Variants in KATNBL1 observed in about 807,000 individuals in gnomAD.
KATNBL1 encodes KATNB1-like protein 1.
In KATNBL1, 28 loss-of-function variants were observed where a neutral mutation model predicts 44.7. The observed-to-expected ratio is 0.63, with a 90% CI of 0.46 to 0.86. The LOEUF (loss-of-function observed/expected upper bound fraction) is 0.86. Among genes scored for constraint, KATNBL1 ranks in the 40% least tolerant of loss-of-function variants. The probability of loss-of-function intolerance (pLI) is 0.00; values close to 1 mark genes in which losing one functional copy is unlikely to be tolerated. For missense variants in KATNBL1, 272 were observed against 350.7 expected (o/e 0.78, Z 1.79); for synonymous variants, 78 against 114.9 (o/e 0.68, Z 2.06).
chr15:34,195,137 C>T (rs946997945), intron 1 of KATNBL1, among the ~76,000 whole-genome samples: 10 of 150,080 alleles, frequency 6.7e-5, no homozygotes, highest in African/African-American at 2.5e-4. Context: ...CCAAAAGACA[C>T]CTGCACTCAT....
At chr15:34,178,336 TGGGTAA>T (rs1889398758) in intron 1 of KATNBL1, among the ~76,000 whole-genome samples, 1 of 152,172 alleles carries the variant, frequency 6.6e-6, no homozygotes, top group African/African-American at 2.4e-5. Context: ...TCATCTAACA[TGGGTAA>T]CCTTTTCCTC....
At position 34,183,822 on chromosome 15, in the gene KATNBL1, T is replaced by A. The variant is rs183588755; in HGVS notation, c.-14-20132A>T. ...CCATTTATGAGAAGAGGGCAAAAAC[T>A]TAAGAAACTACCACATTAAATCTTT... On this transcript the variant is annotated intron_variant, in intron 1 of 9. Transcript: ENST00000256544. Among the ~76,000 whole-genome samples the A allele has an allele frequency of 1.4e-4, 21 of 152,296 alleles. No individual in the cohort carries two copies. In the East Asian group the frequency reaches 3.5e-3, roughly 25 times the overall value.
chr15:34,161,320 T>C (rs73376192), intron 2 of KATNBL1, among the ~76,000 whole-genome samples: 24,625 of 152,156 alleles, frequency 0.16, 2,158 homozygotes, highest in Middle Eastern at 0.31. Context: ...TTCATCACAC[T>C]GGGTGGGCCT....
intron 1 of KATNBL1, among the ~76,000 whole-genome samples, chr15:34,191,477 G>C (rs1467938866): frequency 6.6e-6 from 1 of 151,924 alleles, no homozygotes; most frequent in Admixed American, 6.6e-5. Context: ...TTTATGGTAG[G>C]TGTATGTTAA....
chr15:34,162,552 A>G (rs576918076), intron 2 of KATNBL1, among the ~76,000 whole-genome samples: 1 of 152,326 alleles, frequency 6.6e-6, no homozygotes, highest in Non-Finnish European at 1.5e-5. Context: ...CTAGTTGCAA[A>G]TTATATTGTA....
intron 9 of KATNBL1, among the ~76,000 whole-genome samples, chr15:34,144,797 C>A (rs532881389): frequency 5.3e-5 from 8 of 152,286 alleles, no homozygotes; most frequent in African/African-American, 1.9e-4. Flanking sequence ...GAACTCCTGA[C>A]CTCAGGTGAT....
rs148768731 is a variant in KATNBL1 at position 34,144,419 on chromosome 15, A to AAT, written c.882+977_882+978dup. Reference sequence around the variant, plus strand: ...CATGACATAAATCCTCTTATTTAGAAATATATATATATATATATTTTTAAA... The same window carrying AAT: ...CATGACATAAATCCTCTTATTTAGAAATATATATATATATATATATTTTTAAA... On this transcript the variant is annotated intron_variant, in intron 9 of 9. Coordinates refer to ENST00000256544, the MANE Select transcript of KATNBL1 (RefSeq NM_024713.3). 5.6e-3 allele frequency among the ~76,000 whole-genome samples: 835 copies of AAT among 148,244 alleles called. 4 individuals carry two copies. The highest frequency in any genetic ancestry group is 0.014 in the East Asian group (73 of 5,142).
intron 1 of KATNBL1, among the ~76,000 whole-genome samples, chr15:34,169,494 C>T (rs1292330820): frequency 2.0e-5 from 3 of 152,118 alleles, no homozygotes; most frequent in Non-Finnish European, 2.9e-5. Context: ...GATTCACAGC[C>T]GAATTCTACC....
At chr15:34,178,446 C>T (rs1239274383) in intron 1 of KATNBL1, among the ~76,000 whole-genome samples, 1 of 152,118 alleles carries the variant, frequency 6.6e-6, no homozygotes, top group Non-Finnish European at 1.5e-5. Context: ...GAAGGGTGAA[C>T]ATGAACTTTT....
intron 1 of KATNBL1, among the ~76,000 whole-genome samples, chr15:34,198,630 G>T (rs971875901): frequency 6.6e-6 from 1 of 152,080 alleles, no homozygotes; most frequent in Non-Finnish European, 1.5e-5. Context: ...AATACTTTGC[G>T]CTAACAGTGT....
chr15:34,176,524 G>C (rs147833740), intron 1 of KATNBL1, among the ~76,000 whole-genome samples: 8 of 152,296 alleles, frequency 5.3e-5, no homozygotes, highest in African/African-American at 1.9e-4. Context: ...ATAGAAAGCA[G>C]ACTCGTGGTT....
chr15:34,148,487 C>A (rs527711684), intron 5 of KATNBL1, 145 bp downstream of exon 5: 23 of 547,846 alleles, frequency 4.2e-5, no homozygotes, highest in Middle Eastern at 5.3e-4. Flanking sequence ...ACTCAGGAGG[C>A]TGAGGTGGGA....
intron 1 of KATNBL1, among the ~76,000 whole-genome samples, chr15:34,168,399 T>C (rs925915721): frequency 1.3e-5 from 2 of 152,124 alleles, no homozygotes; most frequent in African/African-American, 4.8e-5. Flanking sequence ...CTATCTTAAA[T>C]ATATATGCAC....
At chr15:34,209,900 G>A (rs946904559) in intron 1 of KATNBL1, 51 bp downstream of exon 1, 4 of 151,634 alleles carry the variant, frequency 2.6e-5, no homozygotes, top group Non-Finnish European at 4.4e-5. Flanking sequence ...AGCCCTGCCA[G>A]GGCAGGGCAG....
chr15:34,153,158 G>T (rs368885517), intron 3 of KATNBL1, 89 bp from the exon 4 acceptor site: 5 of 821,946 alleles, frequency 6.1e-6, no homozygotes, highest in African/African-American at 3.4e-5. Context: ...GGCTATATTT[G>T]GTGATTGTAA....
chr15:34,201,331 G>A (rs759636472), intron 1 of KATNBL1, among the ~76,000 whole-genome samples: 2 of 152,194 alleles, frequency 1.3e-5, no homozygotes, highest in African/African-American at 4.8e-5. Flanking sequence ...AGGTTAAAAA[G>A]TGTGTGTCTG....
chr15:34,183,499 C>T (rs1293027497), intron 1 of KATNBL1, among the ~76,000 whole-genome samples: 1 of 152,190 alleles, frequency 6.6e-6, no homozygotes, highest in Non-Finnish European at 1.5e-5. Flanking sequence ...TCCCAGCTTT[C>T]CCACTTAACT....
chr15:34,178,983 A>C (rs1889429775), intron 1 of KATNBL1, among the ~76,000 whole-genome samples: 1 of 152,174 alleles, frequency 6.6e-6, no homozygotes, highest in Non-Finnish European at 1.5e-5. Context: ...AAAGAAGGTG[A>C]TAAGAATGGA....
chr15:34,181,904 A>T (rs1889578305), intron 1 of KATNBL1, among the ~76,000 whole-genome samples: 1 of 137,270 alleles, frequency 7.3e-6, no homozygotes, highest in Non-Finnish European at 1.6e-5. Context: ...GGGAGGAGAA[A>T]GGGTTTTGCT....
Sources: gnomAD v4.1 joint callset for allele counts (sites outside exome capture counted in the v4.1 genomes callset) on GRCh38, gnomAD v4.1.1 for gene constraint, MANE v1.5 for transcripts, NCBI Gene and HGNC (gene_info 2026-07-23, HGNC 2026-07-21) for gene names.